The following TNS3 variants were observed in gnomAD, a reference collection of about 807,000 sequenced individuals.
TNS3 encodes tensin 3, also known as tensin-3.
Under a neutral mutation model 140.9 loss-of-function variants are expected in TNS3, and 45 were observed. The observed-to-expected ratio is 0.32, with a 90% CI of 0.25 to 0.41. The LOEUF (loss-of-function observed/expected upper bound fraction) is 0.41, where lower values mean the gene tolerates loss of function less well. Among genes scored for constraint, TNS3 ranks in the 10% least tolerant of loss-of-function variants. The pLI is 1.00. For missense variants in TNS3, 1,716 were observed against 1,906.7 expected (o/e 0.90, Z 1.86); for synonymous variants, 815 against 788.4 (o/e 1.03, Z -0.56).
At position 47,282,502 on chromosome 7, in the gene TNS3, C is replaced by T. The variant is rs193191503; in HGVS notation, c.4097+1195G>A. Among the ~76,000 whole-genome samples, 74 of 146,890 alleles carry T rather than the reference C, an allele frequency of 5.0e-4. 1 individual carries two copies. The highest frequency in any genetic ancestry group is 4.3e-3 in the Admixed American group (64 of 14,886). ...TTGCCTGTGACCCTGACCCTGAGAACACAGTGGGGCTGAGCCATGCCCCTG... is the reference window on the plus strand; with the variant it reads ...TTGCCTGTGACCCTGACCCTGAGAATACAGTGGGGCTGAGCCATGCCCCTG... On this transcript the variant is annotated intron_variant, in intron 28 of 30. Coordinates refer to ENST00000311160, the MANE Select transcript of TNS3 (RefSeq NM_022748.12).
intron 20 of TNS3, 30 bp from the exon 21 acceptor site, chr7:47,305,033 C>A: frequency 7.5e-7 from 1 of 1,326,568 alleles, no homozygotes; most frequent in Non-Finnish European, 9.7e-7. Flanking sequence ...AGCAGAGAGA[C>A]CTCGGTTGTA....
At chr7:47,460,355 C>A (rs1331061929) in intron 4 of TNS3, among the ~76,000 whole-genome samples, 2 of 152,260 alleles carry the variant, frequency 1.3e-5, no homozygotes, top group East Asian at 1.9e-4. Context: ...CCTGCAGACA[C>A]CCTCATCTCA....
intron 24 of TNS3, among the ~76,000 whole-genome samples, chr7:47,295,360 A>G (rs891286844): frequency 6.6e-6 from 1 of 152,172 alleles, no homozygotes; most frequent in African/African-American, 2.4e-5. Flanking sequence ...AAAACCATCC[A>G]TCATTCCTCC....
At chr7:47,423,105 C>T (rs1191576992) in intron 10 of TNS3, among the ~76,000 whole-genome samples, 3 of 152,136 alleles carry the variant, frequency 2.0e-5, no homozygotes, top group African/African-American at 4.8e-5. Flanking sequence ...CCTTTCTGCC[C>T]GTCTACCCCC....
In TNS3 at chr7:47,545,280, C is replaced by G. The variant is rs562111595; in HGVS notation, c.-264-16133G>C. ...TCAGCCTCCCAAGTAGCTGAGACTA[C>G]AGGCATGCACCACCATGCCCAGCTA... On this transcript the variant is annotated intron_variant, in intron 1 of 30. Transcript: ENST00000311160. Among the ~76,000 whole-genome samples the G allele has an allele frequency of 5.9e-5, 9 of 151,930 alleles. No homozygotes were observed. The South Asian group carries it at 8.3e-4, about 14-fold the overall frequency.
intron 17 of TNS3, among the ~76,000 whole-genome samples, chr7:47,354,994 C>T (rs1210040018): frequency 2.0e-5 from 3 of 152,188 alleles, no homozygotes; most frequent in Non-Finnish European, 4.4e-5. Context: ...TCGGGAACCA[C>T]GTGACCTTGA....
At chr7:47,508,579 C>T (rs1798499507) in intron 2 of TNS3, among the ~76,000 whole-genome samples, 1 of 152,236 alleles carries the variant, frequency 6.6e-6, no homozygotes, top group African/African-American at 2.4e-5. Flanking sequence ...CCACACACGT[C>T]TAGCAGCATG....
At chr7:47,540,469 C>T (rs75390048) in intron 1 of TNS3, among the ~76,000 whole-genome samples, 3,056 of 152,308 alleles carry the variant, frequency 0.02, 103 homozygotes, top group African/African-American at 0.07. Flanking sequence ...AGGGGCCACT[C>T]GTGCCCGTTT....
At chr7:47,399,974 C>CA (rs200484427) in intron 15 of TNS3, among the ~76,000 whole-genome samples, 12,597 of 135,546 alleles carry the variant, frequency 0.093, 518 homozygotes, top group African/African-American at 0.1. Context: ...AACAAATCCT[C>CA]AAAAAAAAAA....
chr7:47,488,057 A>C (rs989268612), intron 3 of TNS3, among the ~76,000 whole-genome samples: 1 of 152,128 alleles, frequency 6.6e-6, no homozygotes, highest in African/African-American at 2.4e-5. Context: ...GCCTGGTTGC[A>C]AGGAGGGTGG....
intron 12 of TNS3, among the ~76,000 whole-genome samples, 194 bp downstream of exon 12, chr7:47,413,743 G>C (rs931364335): frequency 2.6e-5 from 4 of 152,006 alleles, no homozygotes; most frequent in African/African-American, 9.7e-5. Flanking sequence ...CAGGGCAGGA[G>C]GGAGGGCCAA....
At chr7:47,288,176 A>G (rs1232799430) in intron 27 of TNS3, among the ~76,000 whole-genome samples, 1 of 152,180 alleles carries the variant, frequency 6.6e-6, no homozygotes, top group Admixed American at 6.5e-5. Context: ...TCCCTGAGAC[A>G]ATATGGGCAC....
At position 47,277,967 on chromosome 7, in the gene TNS3, G is replaced by C. The variant is rs1188988340; in HGVS notation, c.*109C>G. 1 of 1,237,938 alleles carries C rather than the reference G, an allele frequency of 8.1e-7. No individual in the cohort carries two copies. Among genetic ancestry groups the C allele is most frequent in the Non-Finnish European group, 1.2e-6 (1 of 850,958 alleles). The allele number at this position is 1,237,938 out of a possible 1,614,324, so 76.7% of individuals were successfully genotyped here. A position where few individuals can be genotyped will look rare whatever the true frequency, so the allele number is the denominator to read the frequency against. ...AGATCCTCTTTCCCCTCATGGGCCT[G>C]GAATGTCAGGTTTACTAGTTTGGTA... On this transcript the variant is annotated 3_prime_UTR_variant, in exon 31 of 31. Transcript: ENST00000311160.
At chr7:47,396,766 C>T (rs775213330) in intron 16 of TNS3, 34 bp downstream of exon 16, 55 of 1,537,842 alleles carry the variant, frequency 3.6e-5, no homozygotes, top group Non-Finnish European at 5.0e-5. Flanking sequence ...GTGCCCTTTG[C>T]CTCCATAACT....
intron 2 of TNS3, among the ~76,000 whole-genome samples, chr7:47,524,225 C>T (rs1799095507): frequency 6.6e-6 from 1 of 152,204 alleles, no homozygotes; most frequent in Non-Finnish European, 1.5e-5. Flanking sequence ...CACGTACACC[C>T]CTCCCCGAGT....
At chr7:47,376,604 T>C (rs1035479362) in intron 16 of TNS3, among the ~76,000 whole-genome samples, 6 of 152,124 alleles carry the variant, frequency 3.9e-5, no homozygotes, top group Non-Finnish European at 7.3e-5. Flanking sequence ...ACGATTTTTT[T>C]TACAAGCCTA....
chr7:47,344,885 A>C, intron 19 of TNS3, 39 bp downstream of exon 19: 1 of 1,612,538 alleles, frequency 6.2e-7, no homozygotes, highest in Non-Finnish European at 8.5e-7. Context: ...CTCCTTGGGC[A>C]TGGAGCAGCA....
chr7:47,462,495 AC>A lies in TNS3; in HGVS notation c.-76+18607del, dbSNP rs1441850110. On this transcript the variant is annotated intron_variant, in intron 4 of 30. Transcript: ENST00000311160. ...CCCTAACCCTTTATTTCTCCTAGAG[AC>A]AGAAGCTCAGTGTTGGCTAAATCAG... 1.1e-4 allele frequency among the ~76,000 whole-genome samples: 17 copies of A among 152,286 alleles called. No individual in the cohort carries two copies. In the East Asian group the frequency reaches 1.7e-3, roughly 16 times the overall value.
intron 4 of TNS3, among the ~76,000 whole-genome samples, chr7:47,467,821 A>G (rs564186527): frequency 9.6e-4 from 146 of 152,208 alleles, no homozygotes; most frequent in African/African-American, 3.3e-3. Flanking sequence ...CTGAGCCTAG[A>G]CCCTGGCTCC....
Sources: allele counts gnomAD v4.1 joint callset (sites outside exome capture counted in the v4.1 genomes callset), GRCh38; gene constraint gnomAD v4.1.1; transcripts MANE v1.5; gene names NCBI Gene and HGNC (gene_info 2026-07-23, HGNC 2026-07-21).